The following NCF2 variants were observed in gnomAD, a reference collection of about 807,000 sequenced individuals.
NCF2 encodes neutrophil cytosolic factor 2.
Under a neutral mutation model 70.9 loss-of-function variants are expected in NCF2, and 45 were observed. That is an observed-to-expected ratio of 0.63 (90% CI 0.50 to 0.81). NCF2 has a LOEUF of 0.81. Ranked by LOEUF, NCF2 falls within the 40% of genes least tolerant of loss-of-function variation. The pLI is 0.00. For missense variants in NCF2, 522 were observed against 631.6 expected (o/e 0.83, Z 1.86); for synonymous variants, 203 against 233.6 (o/e 0.87, Z 1.19).
At chr1:183,560,535 G>GT (rs1671996737) in intron 13 of NCF2, among the ~76,000 whole-genome samples, 2 of 152,166 alleles carry the variant, frequency 1.3e-5, no homozygotes, top group Non-Finnish European at 2.9e-5. Flanking sequence ...GGGTTGGGGG[G>GT]TGGTTTCAGG....
intron 11 of NCF2, 93 bp from the exon 12 acceptor site, chr1:183,563,678 G>A: frequency 1.3e-6 from 2 of 1,507,370 alleles, no homozygotes; most frequent in South Asian, 1.1e-5. Flanking sequence ...GGCACAGGGG[G>A]TACCCAATAC....
At chr1:183,600,185 A>C in the NCF2 span, among the ~76,000 whole-genome samples, 1 of 152,226 alleles carries the variant, frequency 6.6e-6, no homozygotes, top group African/African-American at 2.4e-5. Context: ...TAAGTTTAAA[A>C]ACCCAACTGC....
At position 183,567,252 on chromosome 1, in the gene NCF2, G is replaced by A. The variant is rs371493437; in HGVS notation, c.807C>T (p.Val269=). The change falls in exon 8 of 15, where the codon GTC becomes GTT. Residue 269 remains valine, a synonymous_variant. Coordinates refer to ENST00000367535, the MANE Select transcript of NCF2 (RefSeq NM_000433.4). ...CCCAGTTATCATTGCCCTTCTTCAA[G>A]ACAAAGACAATGTTCCCTGGCATGA... is the stretch of plus-strand genomic sequence containing the variant. ...LQVMPGNIVF[V]LKKGNDNWAT... is the part of the protein sequence containing the mutation. 3 of 1,614,040 alleles carry A rather than the reference G, an allele frequency of 1.9e-6. No homozygotes were observed. Among genetic ancestry groups the A allele is most frequent in the African/African-American group, 2.7e-5 (2 of 74,900 alleles).
chr1:183,585,038 T>G (rs557231718), intron 2 of NCF2, among the ~76,000 whole-genome samples: 136 of 152,256 alleles, frequency 8.9e-4, no homozygotes, highest in African/African-American at 3.1e-3. Context: ...TGGTTTTTCT[T>G]TTAGAAAAGA....
At chr1:183,591,439 A>C (rs1289813109), upstream of NCF2, among the ~76,000 whole-genome samples, 2 of 151,766 alleles carry the variant, frequency 1.3e-5, no homozygotes, top group Non-Finnish European at 2.9e-5. Context: ...TTTTTGAGAC[A>C]GGATAATCTT....
rs759940920 is a variant in NCF2 at position 183,560,243 on chromosome 1, C to A, written c.1321G>T (p.Glu441Ter). 6.2e-7 allele frequency: 1 copy of A among 1,614,048 alleles called. No individual in the cohort carries two copies. The highest frequency in any genetic ancestry group is 8.5e-7 in the Non-Finnish European group (1 of 1,180,048). ...TTATTAGCATCAGCTTTTTCACTTT[C>A]CTTGGGTTCATCTGGAAAGCCTTGG... ...GDQGFPDEPK[E>*]SEKADANNQT... Residue 441 changes from glutamate (E) to a stop codon, truncating the protein, a stop_gained, in exon 14 of 15, where the codon GAA becomes TAA. Coordinates refer to ENST00000367535, the MANE Select transcript of NCF2 (RefSeq NM_000433.4). LOFTEE classifies it high-confidence loss of function.
At chr1:183,592,647 G>A (rs1240908892), upstream of NCF2, among the ~76,000 whole-genome samples, 1 of 152,136 alleles carries the variant, frequency 6.6e-6, no homozygotes, top group Non-Finnish European at 1.5e-5. Context: ...TCCATCTAGT[G>A]AATAAATAAT....
Position 183,556,178 on chromosome 1 carries a change from G to C in NCF2, c.1521C>G (p.Pro507=), listed in dbSNP as rs1450283356. The change falls in exon 15 of 15, where the codon CCC becomes CCG. Residue 507 remains proline (P), a synonymous_variant. Transcript: ENST00000367535. ...GECKGKVGIF[P]KVFVEDCATT... is the part of the protein sequence containing the mutation. ...TTGCGCAGTCTTCAACAAAAACTTT[G>C]GGGAAAATGCCCACCTTCCCTTTGC... The C allele has an allele frequency of 6.2e-7, 1 of 1,614,080 alleles. No individual in the cohort carries two copies. The highest frequency in any genetic ancestry group is 8.5e-7 in the Non-Finnish European group (1 of 1,179,992).
rs562934185 is a variant in NCF2 at position 183,563,099 on chromosome 1, T to C, written c.1290+96A>G. The C allele has an allele frequency of 9.2e-6, 10 of 1,085,158 alleles. No homozygotes were observed. The East Asian group carries it at 1.2e-4, about 13-fold the overall frequency. The allele number at this position is 1,085,158 out of a possible 1,614,324, so 67.2% of individuals were successfully genotyped here. A position where few individuals can be genotyped will look rare whatever the true frequency, so the allele number is the denominator to read the frequency against. On this transcript the variant is annotated intron_variant, in intron 13 of 14. Coordinates refer to ENST00000367535, the MANE Select transcript of NCF2 (RefSeq NM_000433.4). ...CACACCATATCCCCAACACCACATATAGTGCCTAGTACACAGAAGGTGCTT... is the reference window on the plus strand; with the variant it reads ...CACACCATATCCCCAACACCACATACAGTGCCTAGTACACAGAAGGTGCTT...
the NCF2 span, among the ~76,000 whole-genome samples, chr1:183,601,383 T>TAA: frequency 6.6e-6 from 1 of 152,254 alleles, no homozygotes. Flanking sequence ...TTGTGAGGAA[T>TAA]GTTCTTGTAT....
intron 1 of NCF2, among the ~76,000 whole-genome samples, chr1:183,589,579 A>G (rs529030440): frequency 2.0e-4 from 30 of 152,350 alleles, no homozygotes; most frequent in African/African-American, 7.0e-4. Flanking sequence ...GACATCCCAC[A>G]CCATGCCCCC....
At chr1:183,587,015 G>A (rs1263096224) in intron 1 of NCF2, 38 bp from the exon 2 acceptor site, 2 of 1,576,598 alleles carry the variant, frequency 1.3e-6, no homozygotes. Flanking sequence ...CATGATGCAA[G>A]GCAGTGAGGA....
intron 13 of NCF2, among the ~76,000 whole-genome samples, chr1:183,561,963 TTTTGTA>T (rs748058943): frequency 6.6e-6 from 1 of 151,704 alleles, no homozygotes; most frequent in Non-Finnish European, 1.5e-5. Flanking sequence ...CCCAGCTAAT[TTTTGTA>T]TTTTCAGTAG....
chr1:183,591,068 G>T (rs1673620218), upstream of NCF2, among the ~76,000 whole-genome samples: 2 of 152,220 alleles, frequency 1.3e-5, no homozygotes, highest in African/African-American at 4.8e-5. Context: ...GCACTGGGGG[G>T]ACTTTCCTGC....
At chr1:183,568,724 G>T (rs2236384) in intron 7 of NCF2, among the ~76,000 whole-genome samples, 2 of 149,364 alleles carry the variant, frequency 1.3e-5, no homozygotes, top group African/African-American at 2.5e-5. Flanking sequence ...CCGTCAGAGG[G>T]GACTGCAGCC....
At chr1:183,576,681 G>A (rs185852100) in intron 3 of NCF2, among the ~76,000 whole-genome samples, 218 of 152,328 alleles carry the variant, frequency 1.4e-3, no homozygotes, top group African/African-American at 4.1e-3. Context: ...ACTGTGAGAC[G>A]TGAAGTTAGT....
chr1:183,563,714 T>C, intron 11 of NCF2, 129 bp from the exon 12 acceptor site: 1 of 1,204,246 alleles, frequency 8.3e-7, no homozygotes. Context: ...AGTAAGTAAC[T>C]GGTTTCACAG....
chr1:183,562,935 C>A (rs1438912055), intron 13 of NCF2, among the ~76,000 whole-genome samples: 1 of 152,014 alleles, frequency 6.6e-6, no homozygotes, highest in East Asian at 1.9e-4. Context: ...CACAGTCAGG[C>A]AGGGAGCTGA....
In NCF2 at chr1:183,590,280, G is replaced by A. The variant is rs201589700; in HGVS notation, c.50C>T (p.Ala17Val). Residue 17 changes from alanine (A) to valine (V), a missense_variant, in exon 1 of 15, where the codon GCG (alanine) becomes GTG (valine). Transcript: ENST00000367535. ...ISLWNEGVLA[A>V]DKKDWKGALD... is the part of the protein sequence containing the mutation. ...GGCTCCCTTCCAGTCCTTCTTGTCC[G>A]CTGCCAGCACCCCTTCATTCCAGAG... 28 of 1,614,112 alleles carry A rather than the reference G, an allele frequency of 1.7e-5. No homozygotes were observed. The highest frequency in any genetic ancestry group is 5.5e-5 in the South Asian group (5 of 91,074).
Sources: allele counts gnomAD v4.1 joint callset (sites outside exome capture counted in the v4.1 genomes callset), GRCh38; gene constraint gnomAD v4.1.1; transcripts MANE v1.5; gene names NCBI Gene and HGNC (gene_info 2026-07-23, HGNC 2026-07-21).